DOCK7: variants seen among roughly 807,000 people sequenced by gnomAD.
DOCK7 encodes the protein dedicator of cytokinesis 7.
DOCK7 carries 138 observed loss-of-function variants against 271.0 expected under a neutral mutation model. The observed-to-expected ratio is 0.51, with a 90% CI of 0.44 to 0.59. DOCK7 has a LOEUF of 0.59. Among genes scored for constraint, DOCK7 ranks in the 20% least tolerant of loss-of-function variants. The pLI is 0.00. For missense variants in DOCK7, 2,066 were observed against 2,592.4 expected (o/e 0.80, Z 4.41); for synonymous variants, 823 against 876.1 (o/e 0.94, Z 1.07).
At chr1:62,455,712 TAAAC>T (rs751778968) in intron 49 of DOCK7, among the ~76,000 whole-genome samples, 6 of 152,160 alleles carry the variant, frequency 3.9e-5, no homozygotes, top group Non-Finnish European at 7.4e-5. Context: ...GATATTGTAA[TAAAC>T]AAGACAAGGA....
chr1:62,656,544 C>G (rs1358014733), intron 2 of DOCK7, among the ~76,000 whole-genome samples: 3 of 152,114 alleles, frequency 2.0e-5, no homozygotes, highest in Non-Finnish European at 4.4e-5. Context: ...GGTACTTTCC[C>G]TTCTGGAAAG....
At chr1:62,653,539 C>T (rs540737084) in intron 4 of DOCK7, among the ~76,000 whole-genome samples, 186 bp downstream of exon 4, 1 of 152,196 alleles carries the variant, frequency 6.6e-6, no homozygotes, top group South Asian at 2.1e-4. Context: ...TTATATTTTA[C>T]AAAGAAAGTA....
At chr1:62,660,441 C>G (rs546035653) in intron 2 of DOCK7, among the ~76,000 whole-genome samples, 1 of 152,216 alleles carries the variant, frequency 6.6e-6, no homozygotes, top group East Asian at 1.9e-4. Context: ...CCACTTGGTA[C>G]CCATTAGAAT....
Position 62,459,874 on chromosome 1 carries a change from C to T in DOCK7, c.6213-2169G>A, listed in dbSNP as rs544199504. Reference sequence around the variant, plus strand: ...CAGCACTTTGGGAGGCCAAGGCGGGCGGATCATGAGGTCAGGAGATCGAGG... The same window carrying T: ...CAGCACTTTGGGAGGCCAAGGCGGGTGGATCATGAGGTCAGGAGATCGAGG... On this transcript the variant is annotated intron_variant, in intron 48 of 49. Transcript: ENST00000635253. Among the ~76,000 whole-genome samples the T allele has an allele frequency of 5.3e-5, 8 of 151,948 alleles. No homozygotes were observed. In the South Asian group the frequency reaches 8.3e-4, roughly 16 times the overall value.
At chr1:62,610,696 AGT>A (rs1651667079) in intron 14 of DOCK7, among the ~76,000 whole-genome samples, 1 of 151,960 alleles carries the variant, frequency 6.6e-6, no homozygotes, top group African/African-American at 2.4e-5. Context: ...CCCACTTATG[AGT>A]GAGAACATGT....
At chr1:62,624,835 A>G (rs1405277585) in intron 12 of DOCK7, among the ~76,000 whole-genome samples, 5 of 152,052 alleles carry the variant, frequency 3.3e-5, no homozygotes, top group Admixed American at 1.3e-4. Context: ...TTGGCCAGGC[A>G]TGGTGGGTGC....
intron 6 of DOCK7, 106 bp downstream of exon 6, chr1:62,648,000 G>T: frequency 1.9e-6 from 2 of 1,048,994 alleles, no homozygotes; most frequent in Non-Finnish European, 2.8e-6. Flanking sequence ...AATTACAGCT[G>T]TTTCAGTTGC....
intron 43 of DOCK7, chr1:62,484,009 A>G (rs898427596): frequency 6.6e-6 from 1 of 152,160 alleles, no homozygotes; most frequent in African/African-American, 2.4e-5. Context: ...CCTGCTCATT[A>G]TAATTTGCTG....
At chr1:62,554,053 A>G (rs1485175165) in intron 21 of DOCK7, among the ~76,000 whole-genome samples, 2 of 152,192 alleles carry the variant, frequency 1.3e-5, no homozygotes, top group Non-Finnish European at 2.9e-5. Flanking sequence ...CATTACTGCT[A>G]ACATCTTTTA....
intron 18 of DOCK7, among the ~76,000 whole-genome samples, chr1:62,568,769 C>T (rs1646620559): frequency 1.3e-5 from 2 of 148,774 alleles, no homozygotes; most frequent in Non-Finnish European, 3.0e-5. Flanking sequence ...AACAGAGACA[C>T]AAAAAACCCT....
At chr1:62,460,396 A>G (rs1184968349) in intron 48 of DOCK7, among the ~76,000 whole-genome samples, 1 of 152,188 alleles carries the variant, frequency 6.6e-6, no homozygotes, top group Non-Finnish European at 1.5e-5. Context: ...ATTATTTCCT[A>G]AACAATACAA....
At chr1:62,552,655 T>C in intron 22 of DOCK7, 77 bp downstream of exon 22, 1 of 1,384,570 alleles carries the variant, frequency 7.2e-7, no homozygotes, top group African/African-American at 1.4e-5. Context: ...AAATTCAGAA[T>C]ACATTACAAC....
chr1:62,478,204 G>A (rs988522997), intron 43 of DOCK7: 3 of 160,096 alleles, frequency 1.9e-5, no homozygotes, highest in African/African-American at 7.2e-5. Context: ...TGATACTAGA[G>A]CATACTAGGT....
chr1:62,519,120 TA>T (rs1294684607), intron 31 of DOCK7, among the ~76,000 whole-genome samples: 2 of 151,926 alleles, frequency 1.3e-5, no homozygotes, highest in East Asian at 3.9e-4. Context: ...AAAAATTATA[TA>T]AAAGTGTTAA....
intron 11 of DOCK7, among the ~76,000 whole-genome samples, chr1:62,626,364 T>C (rs1207420509): frequency 1.3e-5 from 2 of 151,860 alleles, no homozygotes; most frequent in African/African-American, 4.8e-5. Flanking sequence ...AGCAGAAGGC[T>C]ACAAGAGGCA....
chr1:62,598,861 C>G, intron 14 of DOCK7: 1 of 1,045,690 alleles, frequency 9.6e-7, no homozygotes, highest in Non-Finnish European at 1.5e-6. Context: ...TGTAAAAACA[C>G]TGAATCCTAA....
intron 1 of DOCK7, among the ~76,000 whole-genome samples, chr1:62,666,087 C>A (rs1659283945): frequency 6.6e-6 from 1 of 151,692 alleles, no homozygotes; most frequent in Admixed American, 6.6e-5. Context: ...TGGTGAGAAC[C>A]CAGGAGGCAG....
intron 4 of DOCK7, among the ~76,000 whole-genome samples, chr1:62,650,274 G>A (rs1657169696): frequency 6.6e-6 from 1 of 152,130 alleles, no homozygotes; most frequent in Non-Finnish European, 1.5e-5. Flanking sequence ...TGAGGGTAGA[G>A]AGTTGGTTTC....
intron 48 of DOCK7, among the ~76,000 whole-genome samples, chr1:62,468,554 C>T (rs1452975897): frequency 6.6e-6 from 1 of 151,992 alleles, no homozygotes; most frequent in Non-Finnish European, 1.5e-5. Context: ...TACTGGAAGT[C>T]CTAGCCAGAG....
Sources: gnomAD v4.1 joint callset for allele counts (sites outside exome capture counted in the v4.1 genomes callset) on GRCh38, gnomAD v4.1.1 for gene constraint, MANE v1.5 for transcripts, NCBI Gene and HGNC (gene_info 2026-07-23, HGNC 2026-07-21) for gene names.